STAB1: variants seen among roughly 807,000 people sequenced by gnomAD.
STAB1 encodes stabilin 1.
In STAB1, 250 loss-of-function variants were observed where a neutral mutation model predicts 332.4. The observed-to-expected ratio is 0.75, with a 90% CI of 0.68 to 0.84. The LOEUF (loss-of-function observed/expected upper bound fraction) is 0.84, where lower values mean the gene tolerates loss of function less well. STAB1 is among the 40% of genes least tolerant of loss of function. STAB1 has a pLI of 0.00. For synonymous variants in STAB1, 1,475 were observed against 1,390.4 expected (o/e 1.06, Z -1.35); for missense variants, 3,249 against 3,489.7 (o/e 0.93, Z 1.74).
At chr3:52,523,001 G>A (rs952909287) in intron 62 of STAB1, 24 bp from the exon 63 acceptor site, 51 of 1,590,334 alleles carry the variant, frequency 3.2e-5, no homozygotes, top group Middle Eastern at 1.7e-4. Context: ...AATCTGCTGA[G>A]CCACTGACCT....
intron 50 of STAB1, 135 bp from the exon 51 acceptor site, chr3:52,519,809 A>ATGCC: frequency 2.4e-6 from 3 of 1,250,638 alleles, no homozygotes; most frequent in Non-Finnish European, 3.3e-6. Flanking sequence ...GTGCACACAC[A>ATGCC]TGCCTGCCTG....
chr3:52,503,786 C>T lies in STAB1; in HGVS notation c.906C>T (p.Cys302=), dbSNP rs935481847. Residue 302 remains cysteine (C), a synonymous_variant, in exon 9 of 69, where the codon TGC becomes TGT. Transcript: ENST00000321725. ...YQKPGQAFCT[C]RPGLVSINSN... ...TCGGGGGCCAGGCCTTCTGCACCTG[C>T]CGGCCAGGCCTGGTCAGCATCAACA... 4 of 1,613,148 alleles carry T rather than the reference C, an allele frequency of 2.5e-6. No individual in the cohort carries two copies. The highest frequency in any genetic ancestry group is 8.5e-7 in the Non-Finnish European group (1 of 1,180,014).
intron 14 of STAB1, 41 bp downstream of exon 14, chr3:52,505,422 G>C (rs1207312160): frequency 1.3e-6 from 2 of 1,589,892 alleles, no homozygotes; most frequent in Middle Eastern, 1.7e-4. Flanking sequence ...TGGGCTTCTG[G>C]GCTTCTGAGC....
At chr3:52,520,153 C>T in intron 51 of STAB1, 33 bp downstream of exon 51, 1 of 1,612,804 alleles carries the variant, frequency 6.2e-7, no homozygotes, top group Non-Finnish European at 8.5e-7. Flanking sequence ...GTCTTCACTG[C>T]CTGCAGCTCA....
intron 22 of STAB1, 172 bp downstream of exon 22, chr3:52,509,493 A>G (rs1303564861): frequency 8.1e-6 from 5 of 614,678 alleles, no homozygotes; most frequent in Non-Finnish European, 1.4e-5. Context: ...AAGGGAAACG[A>G]AGCCCCAGGA....
Position 52,523,234 on chromosome 3 carries a change from T to C in STAB1, c.7033T>C (p.Tyr2345His). The C allele has an allele frequency of 1.9e-6, 3 of 1,613,298 alleles. No homozygotes were observed. Among genetic ancestry groups the C allele is most frequent in the Non-Finnish European group, 2.5e-6 (3 of 1,179,998 alleles). The change falls in exon 64 of 69, where the codon TAT becomes CAT. Residue 2345 changes from tyrosine (Y) to histidine (H), a missense_variant. Coordinates refer to ENST00000321725, the MANE Select transcript of STAB1 (RefSeq NM_015136.3). ...FSTFYGMLLG[Y>H]ANATQRGLDF... The stretch of plus-strand genomic sequence containing the variant: ...TCCACCGTGCCAGATGCTATTGGGC[T>C]ATGCCAATGCCACCCAGCGGGGTCT...
chr3:52,512,852 G>C lies in STAB1; in HGVS notation c.3052G>C (p.Asp1018His). ...LKSAGITLPADRRVTALVPSE... is the reference protein window; with the variant it reads ...LKSAGITLPAHRRVTALVPSE... Reference sequence around the variant, plus strand: ...GAGTGCCGGCATCACGCTTCCTGCCGACCGCCGAGTCACAGCCCTGGTGCC... The same window carrying C: ...GAGTGCCGGCATCACGCTTCCTGCCCACCGCCGAGTCACAGCCCTGGTGCC... The change falls in exon 29 of 69, where the codon GAC becomes CAC. Residue 1018 changes from aspartate (D) to histidine (H), a missense_variant. Physicochemically the swap from Asp to His is moderately conservative, Grantham distance 81. Coordinates refer to ENST00000321725, the MANE Select transcript of STAB1 (RefSeq NM_015136.3). The C allele has an allele frequency of 6.2e-7, 1 of 1,610,022 alleles. No homozygotes were observed. Among genetic ancestry groups the C allele is most frequent in the Non-Finnish European group, 8.5e-7 (1 of 1,179,874 alleles).
intron 58 of STAB1, 21 bp downstream of exon 58, chr3:52,521,972 A>G (rs373489510): frequency 6.1e-5 from 98 of 1,606,726 alleles, no homozygotes; most frequent in Middle Eastern, 1.6e-4. Context: ...GGGCGGGGAC[A>G]TGGAGGTGGG....
intron 30 of STAB1, among the ~76,000 whole-genome samples, 166 bp from the exon 31 acceptor site, chr3:52,513,551 C>T (rs931162563): frequency 6.6e-5 from 10 of 152,176 alleles, no homozygotes; most frequent in African/African-American, 2.4e-4. Flanking sequence ...GACTCAGGAT[C>T]AGAGTCAGCT....
chr3:52,514,799 C>T lies in STAB1; in HGVS notation c.3777C>T (p.Arg1259=). The change falls in exon 35 of 69, where the codon CGC becomes CGT. Residue 1259 remains arginine, a synonymous_variant. Transcript: ENST00000321725. ...GGGTCCTGACGGTGGGCTCAAGTCG[C>T]TGCCTGCATAGCCACGCTGAGGCCC... The part of the protein sequence containing the change: ...LSGVLTVGSS[R]CLHSHAEALR... The T allele has an allele frequency of 6.2e-7, 1 of 1,612,914 alleles. No individual in the cohort carries two copies. Among genetic ancestry groups the T allele is most frequent in the Non-Finnish European group, 8.5e-7 (1 of 1,179,982 alleles).
chr3:52,513,699 T>G lies in STAB1; in HGVS notation c.3271-18T>G, dbSNP rs1709457012. 2 of 1,610,788 alleles carry G rather than the reference T, an allele frequency of 1.2e-6. No homozygotes were observed. The highest frequency in any genetic ancestry group is 1.7e-6 in the Non-Finnish European group (2 of 1,179,298). ...TATCTGTGCCCACCTGTGGCTAAGC[T>G]CTGCTGCTGCCTTCCAGAGGGTCTG... On this transcript the variant is annotated intron_variant, in intron 30 of 68. Transcript: ENST00000321725.
rs750123300 is a variant in STAB1 at position 52,521,872 on chromosome 3, T to C, written c.6192T>C (p.Cys2064=). 1.2e-6 allele frequency: 2 copies of C among 1,604,626 alleles called. No homozygotes were observed. Among genetic ancestry groups the C allele is most frequent in the Admixed American group, 1.7e-5 (1 of 59,626 alleles). The change falls in exon 58 of 69, where the codon TGT becomes TGC. Residue 2064 remains cysteine, a synonymous_variant. Transcript: ENST00000321725. Reference sequence around the variant, plus strand: ...TGCAGCCTGTGTGTACCCCACCCTGTGCACCCGAGGCTGTGTGCCGTGCAG... The same window carrying C: ...TGCAGCCTGTGTGTACCCCACCCTGCGCACCCGAGGCTGTGTGCCGTGCAG... ...LELQPVCTPP[C]APEAVCRAGN...
chr3:52,519,216 C>T (rs893098580), intron 48 of STAB1, 48 bp from the exon 49 acceptor site: 14 of 1,585,228 alleles, frequency 8.8e-6, no homozygotes, highest in Non-Finnish European at 1.2e-5. Flanking sequence ...CCGATAGCTT[C>T]CGAGCACCCC....
chr3:52,498,327 G>A (rs1708194627), intron 1 of STAB1, among the ~76,000 whole-genome samples: 2 of 152,264 alleles, frequency 1.3e-5, no homozygotes, highest in Admixed American at 1.3e-4. Flanking sequence ...CCAGGAAGGA[G>A]GGAATCTGAC....
chr3:52,505,919 A>G lies in STAB1; in HGVS notation c.1732A>G (p.Ile578Val), dbSNP rs1428955951. 1 of 1,613,792 alleles carries G rather than the reference A, an allele frequency of 6.2e-7. No homozygotes were observed. Among genetic ancestry groups the G allele is most frequent in the Non-Finnish European group, 8.5e-7 (1 of 1,180,014 alleles). ...SKLQELVRYH[I>V]YNHGQLTVEK... Reference sequence around the variant, plus strand: ...ACTGCAGGAGTTGGTGCGGTACCACATCTACAACCACGGCCAGGTGCGAGG... The same window carrying G: ...ACTGCAGGAGTTGGTGCGGTACCACGTCTACAACCACGGCCAGGTGCGAGG... The change falls in exon 16 of 69, where the codon ATC becomes GTC. Residue 578 changes from isoleucine (I) to valine (V), a missense_variant. Ile to Val is a conservative substitution (Grantham distance 29, BLOSUM62 3). Coordinates refer to ENST00000321725, the MANE Select transcript of STAB1 (RefSeq NM_015136.3).
Position 52,516,192 on chromosome 3 carries a change from CTG to C in STAB1, c.4101_4102del (p.Cys1367Ter). 6.2e-7 allele frequency: 1 copy of C among 1,612,090 alleles called. No individual in the cohort carries two copies. The highest frequency in any genetic ancestry group is 1.1e-5 in the South Asian group (1 of 91,070). ...GCCACGAGGGCTTCCATGGAACGGC[CTG>C]TGAGGTGTGTGAGCTGGGCCGCTAC... ...HCHEGFHGTACEVCELGRYGP... is the reference protein window; with the variant it reads ...HCHEGFHGTAXEVCELGRYGP... On this transcript the variant is annotated frameshift_variant, in exon 38 of 69. Transcript: ENST00000321725. LOFTEE classifies it high-confidence loss of function.
intron 55 of STAB1, 50 bp downstream of exon 55, chr3:52,521,055 C>T (rs757634390): frequency 6.1e-6 from 9 of 1,478,400 alleles, no homozygotes; most frequent in Non-Finnish European, 5.4e-6. Flanking sequence ...CCAAGAGAGC[C>T]AAGGCACAGC....
At chr3:52,507,324 C>T (rs1165439660) in intron 18 of STAB1, among the ~76,000 whole-genome samples, 1 of 152,244 alleles carries the variant, frequency 6.6e-6, no homozygotes, top group African/African-American at 2.4e-5. Flanking sequence ...GGATTACAGG[C>T]ATGAGCCACT....
chr3:52,520,480 C>A lies in STAB1; in HGVS notation c.5580C>A (p.Ile1860=), dbSNP rs761982003. ...TTGAGGGTGGCCTGGCCTATGGCAT[C>A]GACCAGCTGCTGGAGCCACCTGGCC... ...LPFEGGLAYG[I]DQLLEPPGLG... Residue 1860 remains isoleucine, a synonymous_variant, in exon 53 of 69, where the codon ATC becomes ATA. Transcript: ENST00000321725. 1 of 1,612,670 alleles carries A rather than the reference C, an allele frequency of 6.2e-7. No individual in the cohort carries two copies. Among genetic ancestry groups the A allele is most frequent in the African/African-American group, 1.3e-5 (1 of 75,070 alleles).
Sources: allele counts gnomAD v4.1 joint callset (sites outside exome capture counted in the v4.1 genomes callset), GRCh38; gene constraint gnomAD v4.1.1; transcripts MANE v1.5; gene names NCBI Gene and HGNC (gene_info 2026-07-23, HGNC 2026-07-21).